Variants in BTNL3 observed in about 807,000 individuals in gnomAD.
BTNL3 encodes the protein butyrophilin like 3.
BTNL3 carries 20 observed loss-of-function variants against 40.1 expected under a neutral mutation model. The observed-to-expected ratio is 0.50, with a 90% CI of 0.35 to 0.72. The LOEUF is 0.72. Among genes scored for constraint, BTNL3 ranks in the 30% least tolerant of loss-of-function variants. The probability of loss-of-function intolerance (pLI) is 0.01; values close to 1 mark genes in which losing one functional copy is unlikely to be tolerated. For synonymous variants in BTNL3, 179 were observed against 222.1 expected, an observed-to-expected ratio of 0.81 and a Z score of 1.73; for missense variants, 449 against 582.2, an observed-to-expected ratio of 0.77 and a Z score of 2.35.
rs1287106068 is a variant in BTNL3 at position 181,003,864 on chromosome 5, C to T, written c.796C>T (p.Gln266Ter). 1.2e-6 allele frequency: 2 copies of T among 1,614,022 alleles called. No individual in the cohort carries two copies. The highest frequency in any genetic ancestry group is 2.7e-5 in the African/African-American group (2 of 74,900). The change falls in exon 5 of 8, where the codon CAG (glutamine) becomes TAG (stop). Residue 266 changes from glutamine to a stop codon, truncating the protein, a stop_gained. Coordinates refer to ENST00000342868, the MANE Select transcript of BTNL3 (RefSeq NM_197975.3). LOFTEE classifies it high-confidence loss of function. The stretch of plus-strand genomic sequence containing the variant: ...TACTGTTTCTGTTTCAGGGAAAATC[C>T]AGGCGGAACTGGGTATGTGTCATGT... Reference protein sequence around the residue: ...IVFFKSKGKIQAELDWRRKHG... With the variant: ...IVFFKSKGKI
At chr5:181,005,049 G>T (rs559148411) in intron 7 of BTNL3, among the ~76,000 whole-genome samples, 41 of 152,230 alleles carry the variant, frequency 2.7e-4, no homozygotes, top group African/African-American at 9.9e-4. Context: ...GGAACTGGTG[G>T]GTGGAAGGAA....
chr5:180,998,389 A>C (rs1760061217), intron 3 of BTNL3, among the ~76,000 whole-genome samples: 1 of 136,604 alleles, frequency 7.3e-6, no homozygotes, highest in Non-Finnish European at 1.7e-5. Context: ...AAATAAGAAA[A>C]AAGGTCATAC....
At position 181,005,593 on chromosome 5, in the gene BTNL3, C is replaced by A; in HGVS notation, c.1122C>A (p.Asn374Lys). The A allele has an allele frequency of 2.5e-6, 4 of 1,614,024 alleles. No homozygotes were observed. The highest frequency in any genetic ancestry group is 2.2e-5 in the East Asian group (1 of 44,856). ...RGKNNVTLSP[N>K]NGYWVLRLTT... ...AGAACAATGTGACTTTGTCTCCCAA[C>A]AATGGGTATTGGGTCCTCAGACTGA... The change falls in exon 8 of 8, where the codon AAC becomes AAA. Residue 374 changes from asparagine to lysine, a missense_variant. By Grantham distance (94) the Asn-to-Lys change is moderately conservative (BLOSUM62 0). Transcript: ENST00000342868.
rs559600571 is a variant in BTNL3, at chr5:180,996,270, G to A, written c.398-943G>A. ...CTCTCAAATAGATTCTGCACCTGCC[G>A]TTCCCCTTCTCAGAGCCCTCCTCCT... is the stretch of plus-strand genomic sequence containing the variant. On this transcript the variant is annotated intron_variant, in intron 2 of 7. Coordinates refer to ENST00000342868, the MANE Select transcript of BTNL3 (RefSeq NM_197975.3). Among the ~76,000 whole-genome samples the A allele has an allele frequency of 8.1e-5, 11 of 136,532 alleles. 1 individual carries two copies. The South Asian group carries it at 1.1e-3, about 13-fold the overall frequency. 89.6% of individuals were successfully genotyped at this position (136,532 alleles called of 152,430 possible).
chr5:180,994,431 A>G (rs1303661827), intron 2 of BTNL3, among the ~76,000 whole-genome samples: 2 of 137,212 alleles, frequency 1.5e-5, no homozygotes, highest in Admixed American at 7.7e-5. Flanking sequence ...CTGGCCTTGA[A>G]GATTTCTCAC....
In BTNL3 at chr5:181,005,669, C is replaced by G. The variant is rs762478493; in HGVS notation, c.1198C>G (p.Pro400Ala). 98 of 1,614,068 alleles carry G rather than the reference C, an allele frequency of 6.1e-5. 1 individual carries two copies. In the East Asian group the frequency reaches 7.1e-4, roughly 12 times the overall value. Reference sequence around the variant, plus strand: ...CAATCCCCATTTTATCAGCCTCCCCCCCAGCACCCCTCCTACACGAGTAGG... The same window carrying G: ...CAATCCCCATTTTATCAGCCTCCCCGCCAGCACCCCTCCTACACGAGTAGG... ...TFNPHFISLP[P>A]STPPTRVGVF... The change falls in exon 8 of 8, where the codon CCC becomes GCC. Residue 400 changes from proline to alanine, a missense_variant. By Grantham distance (27) the Pro-to-Ala change is conservative (BLOSUM62 -1). Coordinates refer to ENST00000342868, the MANE Select transcript of BTNL3 (RefSeq NM_197975.3).
At chr5:181,003,011 G>A (rs1443627834) in intron 4 of BTNL3, among the ~76,000 whole-genome samples, 2 of 135,540 alleles carry the variant, frequency 1.5e-5, no homozygotes, top group African/African-American at 5.1e-5. Flanking sequence ...TTTACATGGA[G>A]CACAGGATAA....
intron 1 of BTNL3, among the ~76,000 whole-genome samples, chr5:180,991,031 G>C (rs901193029): frequency 7.3e-6 from 1 of 137,044 alleles, no homozygotes; most frequent in Non-Finnish European, 1.7e-5. Flanking sequence ...TCCAAAGGTT[G>C]CAAGAAGCCA....
rs1760221995 is a variant in BTNL3 at position 181,005,931 on chromosome 5, G to A, written c.*59G>A. 6.7e-7 allele frequency: 1 copy of A among 1,490,662 alleles called. No homozygotes were observed. The allele number at this position is 1,490,662 out of a possible 1,614,324, so 92.3% of individuals were successfully genotyped here. On this transcript the variant is annotated 3_prime_UTR_variant, in exon 8 of 8. Transcript: ENST00000342868. ...CACAGACCCAGACACAGCCAAGGGA[G>A]AGTGCTCCCGACAGGTGGCCCCAGC...
rs556487536 is a variant in BTNL3, at chr5:181,003,410, C to T, written c.788-446C>T. ...ATAAAAATAAATAAATTTCTACTAA[C>T]GACAACAAGAGACAATAAGAAAATT... On this transcript the variant is annotated intron_variant, in intron 4 of 7. Coordinates refer to ENST00000342868, the MANE Select transcript of BTNL3 (RefSeq NM_197975.3). 3.7e-5 allele frequency among the ~76,000 whole-genome samples: 5 copies of T among 135,680 alleles called. 1 individual carries two copies. The highest frequency in any genetic ancestry group is 2.2e-4 in the South Asian group (1 of 4,534). 89.0% of individuals were successfully genotyped at this position (135,680 alleles called of 152,430 possible). A position where few individuals can be genotyped will look rare whatever the true frequency, so the allele number is the denominator to read the frequency against.
chr5:180,992,746 C>T, intron 1 of BTNL3, 67 bp from the exon 2 acceptor site: 1 of 1,429,388 alleles, frequency 7.0e-7, no homozygotes, highest in Non-Finnish European at 9.6e-7. Flanking sequence ...CACTTCTCCA[C>T]CCACCAGAGC....
intron 1 of BTNL3, among the ~76,000 whole-genome samples, chr5:180,992,192 C>G (rs1759978988): frequency 7.4e-6 from 1 of 135,282 alleles, no homozygotes; most frequent in African/African-American, 2.6e-5. Flanking sequence ...ACAAAATCTC[C>G]TCACTGTGTC....
At chr5:181,002,449 C>G (rs1476478570) in intron 3 of BTNL3, among the ~76,000 whole-genome samples, 1 of 75,346 alleles carries the variant, frequency 1.3e-5, no homozygotes. Context: ...AAAGCTTTAA[C>G]GCGCACACAC....
chr5:180,993,081 C>T lies in BTNL3; in HGVS notation c.318C>T (p.Pro106=), dbSNP rs1237397414. 3 of 1,453,320 alleles carry T rather than the reference C, an allele frequency of 2.1e-6. No individual in the cohort carries two copies. The African/African-American group carries it at 4.1e-5, about 20-fold the overall frequency. 90.0% of individuals were successfully genotyped at this position (1,453,320 alleles called of 1,614,324 possible). ...CTCTAAGGCTAAAAAACATCACTCCCTCGGACATCGGCCTGTATGGGTGCT... is the reference window on the plus strand; with the variant it reads ...CTCTAAGGCTAAAAAACATCACTCCTTCGGACATCGGCCTGTATGGGTGCT... The part of the protein sequence containing the change: ...RVSLRLKNIT[P]SDIGLYGCWF... The change falls in exon 2 of 8, where the codon CCC becomes CCT. Residue 106 remains proline, a synonymous_variant. Transcript: ENST00000342868.
intron 1 of BTNL3, among the ~76,000 whole-genome samples, chr5:180,991,179 G>C (rs1759966981): frequency 7.3e-6 from 1 of 137,356 alleles, no homozygotes; most frequent in African/African-American, 2.5e-5. Context: ...TCAGCAGCTG[G>C]TCTGACACCA....
chr5:180,997,513 G>A (rs1760051243), intron 3 of BTNL3, 25 bp downstream of exon 3: 3 of 1,462,824 alleles, frequency 2.1e-6, no homozygotes, highest in African/African-American at 1.4e-5. Context: ...GGAGGAGCAA[G>A]GAATGGGTGT....
chr5:180,999,998 C>T (rs1760084667), intron 3 of BTNL3, among the ~76,000 whole-genome samples: 1 of 135,698 alleles, frequency 7.4e-6, no homozygotes, highest in South Asian at 2.2e-4. Context: ...TTCAGAAAGT[C>T]GGCCAGAGAG....
chr5:181,005,664 TC>T lies in BTNL3; in HGVS notation c.1200del (p.Ser401AlafsTer7), dbSNP rs757227190. 1.9e-6 allele frequency: 3 copies of T among 1,613,500 alleles called. No homozygotes were observed. Among genetic ancestry groups the T allele is most frequent in the East Asian group, 4.5e-5 (2 of 44,848 alleles). On this transcript the variant is annotated frameshift_variant, in exon 8 of 8. Transcript: ENST00000342868. LOFTEE classifies it low-confidence loss of function (END_TRUNC). Reference protein sequence around the residue: ...YFTFNPHFISLPPSTPPTRVG... With the variant: ...YFTFNPHFISXPPSTPPTRVG... Reference sequence around the variant, plus strand: ...ACATTCAATCCCCATTTTATCAGCCTCCCCCCCAGCACCCCTCCTACACGAG... The same window carrying T: ...ACATTCAATCCCCATTTTATCAGCCTCCCCCCAGCACCCCTCCTACACGAG...
Position 181,001,534 on chromosome 5 carries a change from C to T in BTNL3, c.674-1138C>T, listed in dbSNP as rs1432657356. 1.5e-5 allele frequency among the ~76,000 whole-genome samples: 2 copies of T among 131,440 alleles called. 1 individual carries two copies. The highest frequency in any genetic ancestry group is 1.7e-4 in the Admixed American group (2 of 12,098). The allele number at this position is 131,440 out of a possible 152,430, so 86.2% of individuals were successfully genotyped here. On this transcript the variant is annotated intron_variant, in intron 3 of 7. Coordinates refer to ENST00000342868, the MANE Select transcript of BTNL3 (RefSeq NM_197975.3). The stretch of plus-strand genomic sequence containing the variant: ...GTCTCACTTTGTTGCCTAGACTGGT[C>T]TCGAACTCCTGTCCTTAAGAAATCC...
Sources: gnomAD v4.1 joint callset for allele counts (sites outside exome capture counted in the v4.1 genomes callset) on GRCh38, gnomAD v4.1.1 for gene constraint, MANE v1.5 for transcripts, NCBI Gene and HGNC (gene_info 2026-07-23, HGNC 2026-07-21) for gene names.